Variants in TANK observed in about 807,000 individuals in gnomAD.
TANK encodes TRAF family member associated NFKB activator.
A neutral mutation model predicts 43.6 loss-of-function variants in TANK; 15 were observed. The ratio of observed to expected loss-of-function variants is 0.34; its 90% CI spans 0.23 to 0.53. The LOEUF is 0.53. TANK is among the 20% of genes least tolerant of loss of function. The pLI is 0.94. For synonymous variants in TANK, 162 were observed against 178.2 expected, an observed-to-expected ratio of 0.91 and a Z score of 0.73; for missense variants, 417 against 498.6, an observed-to-expected ratio of 0.84 and a Z score of 1.56.
chr2:161,196,621 G>A (rs930196964), intron 2 of TANK, among the ~76,000 whole-genome samples: 22 of 152,088 alleles, frequency 1.4e-4, no homozygotes, highest in Admixed American at 1.3e-4. Flanking sequence ...ATGGCAGGCC[G>A]AGGCAGGCGG....
At chr2:161,229,374 G>A (rs1214573453) in intron 6 of TANK, among the ~76,000 whole-genome samples, 2 of 152,150 alleles carry the variant, frequency 1.3e-5, no homozygotes, top group East Asian at 1.9e-4. Context: ...TTATTAGGAA[G>A]GTAACTTGGT....
Position 161,181,948 on chromosome 2 carries a change from C to A in TANK, c.99+2187C>A, listed in dbSNP as rs559125425. 3.3e-5 allele frequency among the ~76,000 whole-genome samples: 5 copies of A among 152,214 alleles called. No homozygotes were observed. In the East Asian group the frequency reaches 9.7e-4, roughly 29 times the overall value. On this transcript the variant is annotated intron_variant, in intron 2 of 7. Coordinates refer to ENST00000392749, the MANE Select transcript of TANK (RefSeq NM_001199135.3). ...AAAAAAAAATTACTAGCCTGTGAAA[C>A]TCTGAAGTCTAATATGCTAATATTT...
At chr2:161,148,417 T>A (rs985837093) in intron 1 of TANK, among the ~76,000 whole-genome samples, 21 of 152,246 alleles carry the variant, frequency 1.4e-4, no homozygotes, top group African/African-American at 4.8e-4. Flanking sequence ...TTATATATTC[T>A]AGATTCTAGC....
chr2:161,200,427 T>G (rs1686351874), intron 2 of TANK: 1 of 965,914 alleles, frequency 1.0e-6, no homozygotes, highest in Non-Finnish European at 1.2e-6. Flanking sequence ...AAAAAAAGAC[T>G]AGTTTCATTT....
chr2:161,159,197 T>C (rs891449725), upstream of TANK: 37 of 152,240 alleles, frequency 2.4e-4, no homozygotes, highest in African/African-American at 8.4e-4. Context: ...ACTTGGTATT[T>C]ATCCAAAGGA....
chr2:161,160,699 G>T, intron 1 of TANK: 1 of 510,372 alleles, frequency 2.0e-6, no homozygotes, highest in Non-Finnish European at 3.7e-6. Flanking sequence ...CTCCTTGTGG[G>T]TTGGTTTCCG....
chr2:161,203,932 G>A (rs939288362), intron 3 of TANK, among the ~76,000 whole-genome samples: 2 of 152,026 alleles, frequency 1.3e-5, no homozygotes, highest in Non-Finnish European at 2.9e-5. Context: ...TATTTGTTCA[G>A]GTACTCAAAA....
intron 1 of TANK, 25 bp downstream of exon 1, chr2:161,160,511 G>T: frequency 7.9e-7 from 1 of 1,267,672 alleles, no homozygotes. Flanking sequence ...TTGTGAATTG[G>T]TGTGTCCGAA....
intron 2 of TANK, among the ~76,000 whole-genome samples, chr2:161,185,839 GT>G (rs1432351206): frequency 2.0e-5 from 3 of 151,940 alleles, no homozygotes; most frequent in Non-Finnish European, 4.4e-5. Flanking sequence ...ATGTGCACAT[GT>G]ACCCTAAAAC....
At chr2:161,161,588 A>G (rs1684439529) in intron 1 of TANK, 1 of 1,140,366 alleles carries the variant, frequency 8.8e-7, no homozygotes, top group Non-Finnish European at 1.2e-6. Context: ...TAACCATGTT[A>G]TTTTGCTTTC....
chr2:161,139,904 A>C lies in TANK; in HGVS notation c.-50+2841A>C, dbSNP rs950954038. On this transcript the variant is annotated intron_variant, in intron 1 of 7. Coordinates refer to the TANK transcript ENST00000259075. ...TTTAGTTACAACTGTGGTAAGCAAA[A>C]TGTGTGTCCAAATTGATTAATCTTA... is the stretch of plus-strand genomic sequence containing the variant. The C allele has an allele frequency of 7.1e-6, 7 of 983,058 alleles. No homozygotes were observed. In the African/African-American group the frequency reaches 1.2e-4, roughly 17 times the overall value. The allele number at this position is 983,058 out of a possible 1,614,324, so 60.9% of individuals were successfully genotyped here.
intron 1 of TANK, among the ~76,000 whole-genome samples, chr2:161,168,214 C>T (rs1435924185): frequency 6.6e-6 from 1 of 152,146 alleles, no homozygotes; most frequent in Non-Finnish European, 1.5e-5. Context: ...GTTTGCACTC[C>T]TCACATTAAA....
Position 161,207,514 on chromosome 2 carries a change from C to T in TANK, c.327+2721C>T, listed in dbSNP as rs1014939952. On this transcript the variant is annotated intron_variant, in intron 4 of 7. Coordinates refer to ENST00000392749, the MANE Select transcript of TANK (RefSeq NM_001199135.3). ...AGCCAAAGTGCTAATGAGCACTAAA[C>T]GTATAAGGGATTAAAGAAAAGAGAA... 9.1e-5 allele frequency: 90 copies of T among 984,048 alleles called. 1 individual carries two copies. The Middle Eastern group carries it at 2.1e-3, about 23-fold the overall frequency. 61.0% of individuals were successfully genotyped at this position (984,048 alleles called of 1,614,324 possible).
chr2:161,204,639 T>G, intron 3 of TANK, 36 bp from the exon 4 acceptor site: 1 of 1,579,490 alleles, frequency 6.3e-7, no homozygotes, highest in Non-Finnish European at 8.6e-7. Flanking sequence ...AAAATAAGGG[T>G]TTTCTGCTAA....
intron 1 of TANK, chr2:161,161,648 ATATAT>A: frequency 1.8e-6 from 1 of 548,232 alleles, no homozygotes; most frequent in Non-Finnish European, 3.0e-6. Flanking sequence ...TTCAGATTAA[ATATAT>A]ATATATGGTG....
chr2:161,167,779 C>A (rs575636397), intron 1 of TANK, among the ~76,000 whole-genome samples: 97 of 152,128 alleles, frequency 6.4e-4, no homozygotes, highest in African/African-American at 2.1e-3. Flanking sequence ...CCCGCCACCA[C>A]GACCGGCTAA....
chr2:161,169,274 A>C (rs1248428200), intron 1 of TANK, among the ~76,000 whole-genome samples: 1 of 152,218 alleles, frequency 6.6e-6, no homozygotes, highest in Non-Finnish European at 1.5e-5. Context: ...GACGTGTCTG[A>C]ATATATTGAG....
At chr2:161,161,353 T>A in intron 1 of TANK, 2 of 1,550,664 alleles carry the variant, frequency 1.3e-6, no homozygotes, top group Non-Finnish European at 1.7e-6. Flanking sequence ...GACGTGAAAT[T>A]GAAGGAAAAG....
chr2:161,195,727 T>TG (rs533564630), intron 2 of TANK, among the ~76,000 whole-genome samples: 6 of 152,118 alleles, frequency 3.9e-5, no homozygotes, highest in Non-Finnish European at 8.8e-5. Context: ...AATAGGCTAT[T>TG]GCAGCAGTCC....
Sources: gnomAD v4.1 joint callset for allele counts (sites outside exome capture counted in the v4.1 genomes callset) on GRCh38, gnomAD v4.1.1 for gene constraint, MANE v1.5 for transcripts, NCBI Gene and HGNC (gene_info 2026-07-23, HGNC 2026-07-21) for gene names.